The following PDE7B variants were observed in gnomAD, a reference collection of about 807,000 sequenced individuals.
The protein encoded by PDE7B is 3',5'-cyclic-AMP phosphodiesterase 7B.
Under a neutral mutation model 56.2 loss-of-function variants are expected in PDE7B, and 29 were observed. That is an observed-to-expected ratio of 0.52 (90% confidence interval 0.38 to 0.70). The LOEUF (loss-of-function observed/expected upper bound fraction) is 0.70. PDE7B is among the 30% of genes least tolerant of loss of function. The pLI, the probability that PDE7B is intolerant of heterozygous loss-of-function variation, is 0.00. For synonymous variants in PDE7B, 197 were observed against 196.9 expected (o/e 1.00, Z 0.00); for missense variants, 490 against 565.0 (o/e 0.87, Z 1.35).
intron 2 of PDE7B, among the ~76,000 whole-genome samples, chr6:136,077,462 G>C (rs1351508481): frequency 1.3e-5 from 2 of 152,066 alleles, no homozygotes; most frequent in African/African-American, 4.8e-5. Flanking sequence ...TGTAGGGAAA[G>C]GTGGTGAAAA....
intron 3 of PDE7B, among the ~76,000 whole-genome samples, chr6:136,128,280 A>C (rs188501888): frequency 1.3e-5 from 2 of 152,174 alleles, no homozygotes; most frequent in East Asian, 3.9e-4. Context: ...GACAATCAAC[A>C]ATAGCCCACA....
intron 2 of PDE7B, among the ~76,000 whole-genome samples, chr6:136,042,304 A>T (rs565795676): frequency 6.6e-6 from 1 of 152,338 alleles, no homozygotes; most frequent in Admixed American, 6.5e-5. Flanking sequence ...GACAAATATG[A>T]TGCTAATTAT....
chr6:136,058,233 A>C (rs1302451785), intron 2 of PDE7B, among the ~76,000 whole-genome samples: 1 of 152,180 alleles, frequency 6.6e-6, no homozygotes, highest in Non-Finnish European at 1.5e-5. Context: ...CTCCTAATGA[A>C]ATTGGCAGGG....
chr6:136,073,168 A>T (rs1354403372), intron 2 of PDE7B, among the ~76,000 whole-genome samples: 3 of 152,078 alleles, frequency 2.0e-5, no homozygotes. Flanking sequence ...AACTAGGGCC[A>T]CAAGCAAAGT....
chr6:136,101,414 G>A (rs1285267806), intron 2 of PDE7B, among the ~76,000 whole-genome samples: 1 of 152,014 alleles, frequency 6.6e-6, no homozygotes, highest in African/African-American at 2.4e-5. Flanking sequence ...TTGGTTGGTA[G>A]GCTATTCATT....
intron 1 of PDE7B, among the ~76,000 whole-genome samples, chr6:135,877,358 C>CTTTTTTTTTTT (rs11302793): frequency 7.9e-6 from 1 of 126,948 alleles, no homozygotes; most frequent in Non-Finnish European, 1.7e-5. Flanking sequence ...TTACACATTC[C>CTTTTTTTTTTT]TTTTTTTTTT....
At chr6:135,916,368 T>C (rs570363917) in intron 1 of PDE7B, among the ~76,000 whole-genome samples, 23 of 146,600 alleles carry the variant, frequency 1.6e-4, no homozygotes, top group African/African-American at 5.4e-4. Flanking sequence ...TTTTGCCCTT[T>C]TTTTCTTTTC....
At chr6:135,904,110 C>T (rs564135268) in intron 1 of PDE7B, among the ~76,000 whole-genome samples, 5 of 152,276 alleles carry the variant, frequency 3.3e-5, no homozygotes, top group Non-Finnish European at 5.9e-5. Flanking sequence ...TATTCAAATA[C>T]CACAGGGAAT....
intron 5 of PDE7B, among the ~76,000 whole-genome samples, chr6:136,149,674 G>C (rs1366614392): frequency 6.6e-6 from 1 of 152,160 alleles, no homozygotes; most frequent in South Asian, 2.1e-4. Flanking sequence ...ATCTTCACTG[G>C]TGTCACTTCT....
chr6:136,173,942 C>G, intron 9 of PDE7B, 54 bp downstream of exon 9: 2 of 1,290,270 alleles, frequency 1.6e-6, no homozygotes, highest in Non-Finnish European at 2.3e-6. Flanking sequence ...AGATAAGCCA[C>G]TTTCTCTAGG....
In PDE7B at chr6:135,851,784, C is replaced by G; in HGVS notation, c.-215C>G. 3.8e-6 allele frequency: 2 copies of G among 526,772 alleles called. No individual in the cohort carries two copies. Among genetic ancestry groups the G allele is most frequent in the East Asian group, 3.0e-5 (1 of 32,814 alleles). The allele number at this position is 526,772 out of a possible 1,614,324, so 32.6% of individuals were successfully genotyped here. On this transcript the variant is annotated 5_prime_UTR_variant, in exon 1 of 13. Transcript: ENST00000308191. ...GTGGTGTTACTCACCCAGGGAGAGT[C>G]TCTCTTTCTACCTTCCTTCTTTCTC...
chr6:136,015,911 G>A (rs908695808), intron 2 of PDE7B, among the ~76,000 whole-genome samples: 2 of 152,084 alleles, frequency 1.3e-5, no homozygotes, highest in African/African-American at 4.8e-5. Context: ...AAGGATCTAC[G>A]AGAACATCTA....
At chr6:135,976,394 C>T (rs549478594) in intron 2 of PDE7B, among the ~76,000 whole-genome samples, 2 of 152,200 alleles carry the variant, frequency 1.3e-5, no homozygotes, top group East Asian at 3.9e-4. Flanking sequence ...GTACTGTTTC[C>T]CCAATGGCGC....
At chr6:136,036,115 TA>T (rs1268023455) in intron 2 of PDE7B, among the ~76,000 whole-genome samples, 6 of 152,198 alleles carry the variant, frequency 3.9e-5, no homozygotes, top group Non-Finnish European at 8.8e-5. Flanking sequence ...GATTATTAAA[TA>T]AAATCATCTC....
intron 1 of PDE7B, among the ~76,000 whole-genome samples, chr6:135,875,964 A>G (rs889474382): frequency 6.6e-6 from 1 of 152,126 alleles, no homozygotes; most frequent in Non-Finnish European, 1.5e-5. Flanking sequence ...TGCAAAGGAC[A>G]CACCAAGACA....
In PDE7B at chr6:136,104,207, G is replaced by A. The variant is rs560342742; in HGVS notation, c.83-4524G>A. On this transcript the variant is annotated intron_variant, in intron 2 of 12. Coordinates refer to ENST00000308191, the MANE Select transcript of PDE7B (RefSeq NM_018945.4). ...AAAAAGCAGCAGCCTTTCAAAATCA[G>A]AATGCCCCTGCTGTTTGTTTCCTTT... 1.8e-4 allele frequency among the ~76,000 whole-genome samples: 28 copies of A among 152,152 alleles called. No homozygotes were observed. In the South Asian group the frequency reaches 5.6e-3, roughly 30 times the overall value.
chr6:136,080,053 C>T (rs780559173), intron 2 of PDE7B, among the ~76,000 whole-genome samples: 7 of 152,108 alleles, frequency 4.6e-5, no homozygotes, highest in East Asian at 1.9e-4. Flanking sequence ...TACGCTATCA[C>T]GAGGAGAGGG....
At chr6:135,990,089 G>C (rs1244712719) in intron 2 of PDE7B, among the ~76,000 whole-genome samples, 1 of 147,018 alleles carries the variant, frequency 6.8e-6, no homozygotes, top group Non-Finnish European at 1.5e-5. Context: ...TGATTTTTGG[G>C]GTTTTTTTGT....
At chr6:136,038,593 T>C in intron 2 of PDE7B, 2 of 1,191,076 alleles carry the variant, frequency 1.7e-6, no homozygotes, top group Non-Finnish European at 2.2e-6. Context: ...CCTTTCTTTG[T>C]AGAGTCCAAG....
Sources: gnomAD v4.1 joint callset for allele counts (sites outside exome capture counted in the v4.1 genomes callset) on GRCh38, gnomAD v4.1.1 for gene constraint, MANE v1.5 for transcripts, NCBI Gene and HGNC (gene_info 2026-07-23, HGNC 2026-07-21) for gene names.